The following ZBTB8A variants were observed in gnomAD, a reference collection of about 807,000 sequenced individuals.
The protein encoded by ZBTB8A is zinc finger and BTB domain containing 8A.
Under a neutral mutation model 37.8 loss-of-function variants are expected in ZBTB8A, and 19 were observed. The observed-to-expected ratio is 0.50, with a 90% CI of 0.35 to 0.74. The LOEUF (loss-of-function observed/expected upper bound fraction) is 0.74, where lower values mean the gene tolerates loss of function less well. ZBTB8A is among the 30% of genes least tolerant of loss of function. The pLI is 0.01. For synonymous variants in ZBTB8A, 181 were observed against 185.2 expected (o/e 0.98, Z 0.19); for missense variants, 394 against 537.8 (o/e 0.73, Z 2.65).
At chr1:32,560,074 A>G (rs1644231872) in intron 2 of ZBTB8A, among the ~76,000 whole-genome samples, 1 of 152,074 alleles carries the variant, frequency 6.6e-6, no homozygotes, top group African/African-American at 2.4e-5. Context: ...TAGGAGGAGC[A>G]GGCATCTTCA....
intron 2 of ZBTB8A, among the ~76,000 whole-genome samples, chr1:32,554,189 GA>G (rs1486526473): frequency 8.3e-6 from 1 of 120,100 alleles, no homozygotes; most frequent in Non-Finnish European, 1.6e-5. Context: ...AACAGAGCAA[GA>G]CTGTCTCCAA....
intron 2 of ZBTB8A, among the ~76,000 whole-genome samples, chr1:32,590,818 C>T (rs1042283826): frequency 1.3e-5 from 2 of 152,056 alleles, no homozygotes; most frequent in Non-Finnish European, 2.9e-5. Context: ...ACTCATAGCC[C>T]CTTTATGCTA....
chr1:32,597,284 C>T (rs1489479427), intron 4 of ZBTB8A, among the ~76,000 whole-genome samples: 1 of 152,102 alleles, frequency 6.6e-6, no homozygotes, highest in Non-Finnish European at 1.5e-5. Flanking sequence ...CGTGAGCCAC[C>T]ACGTCTGCTG....
intron 2 of ZBTB8A, among the ~76,000 whole-genome samples, chr1:32,556,402 C>G (rs1012193972): frequency 6.6e-6 from 1 of 151,286 alleles, no homozygotes; most frequent in Non-Finnish European, 1.5e-5. Flanking sequence ...GGGTCTTGCT[C>G]TGTTGCCCAG....
rs1644030086 is a variant in ZBTB8A, at chr1:32,539,520, A to G, written c.-136A>G. 1 of 151,758 alleles carries G rather than the reference A, an allele frequency of 6.6e-6. No homozygotes were observed. The highest frequency in any genetic ancestry group is 2.1e-4 in the South Asian group (1 of 4,812). 9.4% of individuals were successfully genotyped at this position (151,758 alleles called of 1,614,324 possible). On this transcript the variant is annotated 5_prime_UTR_variant, in exon 1 of 5. Coordinates refer to ENST00000373510, the MANE Select transcript of ZBTB8A (RefSeq NM_001040441.3). ...GGGGGTCCTTCCCCAGCCGAGAACC[A>G]GGAATCTTCCCTCGGCCCGCGCGCG...
At chr1:32,576,490 G>A (rs1171947938) in intron 2 of ZBTB8A, among the ~76,000 whole-genome samples, 5 of 152,002 alleles carry the variant, frequency 3.3e-5, no homozygotes, top group East Asian at 1.9e-4. Flanking sequence ...GTGCAATGGC[G>A]CAATCTTGGC....
At chr1:32,557,938 T>C (rs1417358294) in intron 2 of ZBTB8A, among the ~76,000 whole-genome samples, 1 of 152,182 alleles carries the variant, frequency 6.6e-6, no homozygotes, top group Non-Finnish European at 1.5e-5. Flanking sequence ...TCCACATCAC[T>C]TCCTCATAAG....
At chr1:32,550,917 A>G (rs1043871994) in intron 1 of ZBTB8A, among the ~76,000 whole-genome samples, 3 of 148,510 alleles carry the variant, frequency 2.0e-5, no homozygotes, top group African/African-American at 5.0e-5. Context: ...AGATCGCGCC[A>G]TTGCACTCCA....
intron 2 of ZBTB8A, among the ~76,000 whole-genome samples, chr1:32,556,553 C>G (rs939470966): frequency 3.3e-5 from 5 of 151,780 alleles, no homozygotes; most frequent in Admixed American, 1.3e-4. Flanking sequence ...ATCTATTCTG[C>G]CATCCTGGTC....
At chr1:32,586,590 A>G (rs764711466) in intron 2 of ZBTB8A, among the ~76,000 whole-genome samples, 10 of 150,972 alleles carry the variant, frequency 6.6e-5, no homozygotes, top group Non-Finnish European at 1.5e-4. Flanking sequence ...ACAGAAACCT[A>G]TAGGAAGTGA....
chr1:32,546,902 T>C (rs1041149949), intron 1 of ZBTB8A, among the ~76,000 whole-genome samples: 2 of 152,068 alleles, frequency 1.3e-5, no homozygotes, highest in African/African-American at 4.8e-5. Context: ...CTGGGGGAAG[T>C]TTTTTGTTTT....
intron 2 of ZBTB8A, among the ~76,000 whole-genome samples, chr1:32,581,729 A>C (rs1165490986): frequency 6.6e-6 from 1 of 152,142 alleles, no homozygotes; most frequent in Non-Finnish European, 1.5e-5. Flanking sequence ...TGGGTAATTC[A>C]TAAAAGAAAG....
chr1:32,584,076 T>C (rs775516830), intron 2 of ZBTB8A, among the ~76,000 whole-genome samples: 165 of 151,994 alleles, frequency 1.1e-3, no homozygotes, highest in Non-Finnish European at 2.1e-3. Flanking sequence ...GAGAATACTT[T>C]GTAAAGATAC....
At chr1:32,569,692 AG>A (rs1405690821) in intron 2 of ZBTB8A, among the ~76,000 whole-genome samples, 6 of 150,518 alleles carry the variant, frequency 4.0e-5, no homozygotes, top group Non-Finnish European at 7.4e-5. Flanking sequence ...GCTCCCGGCC[AG>A]CTTTTCCTTT....
intron 1 of ZBTB8A, among the ~76,000 whole-genome samples, chr1:32,543,777 C>T (rs970415037): frequency 3.9e-5 from 6 of 151,926 alleles, no homozygotes; most frequent in Non-Finnish European, 5.9e-5. Flanking sequence ...CCTGGGTTCA[C>T]GCCATTCTCC....
chr1:32,598,192 A>G (rs577721284), intron 4 of ZBTB8A, among the ~76,000 whole-genome samples: 4 of 143,014 alleles, frequency 2.8e-5, no homozygotes, highest in Non-Finnish European at 4.6e-5. Flanking sequence ...ATTTTCCTAC[A>G]TATTTTACCA....
At chr1:32,540,204 A>G (rs1000807311) in intron 1 of ZBTB8A, among the ~76,000 whole-genome samples, 2 of 151,928 alleles carry the variant, frequency 1.3e-5, no homozygotes, top group South Asian at 2.1e-4. Context: ...ATCTCTACCC[A>G]TGCGGACCGC....
At chr1:32,591,552 G>GA (rs1393243309) in intron 2 of ZBTB8A, among the ~76,000 whole-genome samples, 3 of 151,840 alleles carry the variant, frequency 2.0e-5, no homozygotes, top group Admixed American at 1.3e-4. Flanking sequence ...AACACTTTTA[G>GA]ACTGAAAACA....
intron 2 of ZBTB8A, among the ~76,000 whole-genome samples, chr1:32,579,221 G>A (rs754551903): frequency 4.8e-4 from 73 of 152,074 alleles, no homozygotes; most frequent in Non-Finnish European, 2.4e-4. Flanking sequence ...GGCTGAGGCG[G>A]ATGGATCACC....
Sources: gnomAD v4.1 joint callset for allele counts (sites outside exome capture counted in the v4.1 genomes callset) on GRCh38, gnomAD v4.1.1 for gene constraint, MANE v1.5 for transcripts, NCBI Gene and HGNC (gene_info 2026-07-23, HGNC 2026-07-21) for gene names.